Variants in GEMIN4 observed in about 807,000 individuals in gnomAD.
GEMIN4 encodes the protein gem nuclear organelle associated protein 4.
GEMIN4 carries 59 observed loss-of-function variants against 76.8 expected under a neutral mutation model. The observed-to-expected ratio is 0.77, with a 90% CI of 0.62 to 0.95. The LOEUF (loss-of-function observed/expected upper bound fraction) is 0.95. GEMIN4 is among the 40% of genes least tolerant of loss of function. The pLI, the probability that GEMIN4 is intolerant of heterozygous loss-of-function variation, is 0.00. For synonymous variants in GEMIN4, 562 were observed against 559.7 expected, an observed-to-expected ratio of 1.00 and a Z score of -0.06; for missense variants, 1,311 against 1,318.9, an observed-to-expected ratio of 0.99 and a Z score of 0.09.
In GEMIN4 at chr17:745,491, T is replaced by C; in HGVS notation, c.2552A>G (p.Lys851Arg). Residue 851 changes from lysine to arginine, a missense_variant, in exon 2 of 2, where the codon AAA becomes AGA. Coordinates refer to ENST00000319004, the MANE Select transcript of GEMIN4 (RefSeq NM_015721.3). This position sits in a 1 kb window ranked among gnomAD's most constrained non-coding sequence, Gnocchi z 4.6. Reference sequence around the variant, plus strand: ...TTGCACCAGGGCCACCAGAAAGCCTTTGCTGAACAGTCTGACCTCCTCAGG... The same window carrying C: ...TTGCACCAGGGCCACCAGAAAGCCTCTGCTGAACAGTCTGACCTCCTCAGG... ...GNPEEVRLFS[K>R]GFLVALVQVM... 1 of 1,611,788 alleles carries C rather than the reference T, an allele frequency of 6.2e-7. No homozygotes were observed. Among genetic ancestry groups the C allele is most frequent in the Non-Finnish European group, 8.5e-7 (1 of 1,179,754 alleles).
rs1904767163 is a variant in GEMIN4, at chr17:752,225, G to A, written c.-83C>T. 4.9e-6 allele frequency: 6 copies of A among 1,229,184 alleles called. No individual in the cohort carries two copies. Among genetic ancestry groups the A allele is most frequent in the Non-Finnish European group, 5.1e-6 (5 of 985,714 alleles). 76.1% of individuals were successfully genotyped at this position (1,229,184 alleles called of 1,614,324 possible). A position where few individuals can be genotyped will look rare whatever the true frequency, so the allele number is the denominator to read the frequency against. On this transcript the variant is annotated 5_prime_UTR_variant, in exon 1 of 2. Coordinates refer to ENST00000319004, the MANE Select transcript of GEMIN4 (RefSeq NM_015721.3). ...CGCGGCGCGGGACGCACGGCACGAT[G>A]GGAGACGCAGGAGCCACGGCGGCCG...
At position 752,221 on chromosome 17, in the gene GEMIN4, C is replaced by T; in HGVS notation, c.-79G>A. ...CGAACGCGGCGCGGGACGCACGGCACGATGGGAGACGCAGGAGCCACGGCG... is the reference window on the plus strand; with the variant it reads ...CGAACGCGGCGCGGGACGCACGGCATGATGGGAGACGCAGGAGCCACGGCG... On this transcript the variant is annotated 5_prime_UTR_variant, in exon 1 of 2. The change creates a new upstream start codon in the 5' untranslated region. Transcript: ENST00000319004. The T allele has an allele frequency of 8.1e-7, 1 of 1,229,502 alleles. No individual in the cohort carries two copies. The highest frequency in any genetic ancestry group is 1.0e-6 in the Non-Finnish European group (1 of 985,828). The allele number at this position is 1,229,502 out of a possible 1,614,324, so 76.2% of individuals were successfully genotyped here.
chr17:746,867 C>T lies in GEMIN4; in HGVS notation c.1176G>A (p.Thr392=), dbSNP rs190911090. Residue 392 remains threonine (T), a synonymous_variant, in exon 2 of 2, where the codon ACG becomes ACA. Transcript: ENST00000319004. This position sits in a 1 kb window ranked among gnomAD's most constrained non-coding sequence, Gnocchi z 4.3. ...CVRDFLRKTS[T]VLKNRALEDI... is the part of the protein sequence containing the mutation. ...CCTCCAAGGCCCTGTTCTTCAGCAC[C>T]GTGCTCGTTTTCCTCAGGAAGTCCC... The T allele has an allele frequency of 3.5e-5, 56 of 1,613,584 alleles. No homozygotes were observed. The South Asian group carries it at 4.1e-4, about 12-fold the overall frequency.
rs762735724 is a variant in GEMIN4, at chr17:744,629, AGAG to A, written c.*234_*236del. 7 of 452,832 alleles carry A rather than the reference AGAG, an allele frequency of 1.5e-5. No individual in the cohort carries two copies. Among genetic ancestry groups the A allele is most frequent in the South Asian group, 7.8e-5 (2 of 25,614 alleles). The allele number at this position is 452,832 out of a possible 1,614,324, so 28.1% of individuals were successfully genotyped here. A position where few individuals can be genotyped will look rare whatever the true frequency, so the allele number is the denominator to read the frequency against. On this transcript the variant is annotated 3_prime_UTR_variant, in exon 2 of 2. Coordinates refer to ENST00000319004, the MANE Select transcript of GEMIN4 (RefSeq NM_015721.3). ...TAGAAGAGACAAAGTGAGATGCGAA[AGAG>A]GAGAATTTTTATGATAGTTTGTACG...
chr17:752,376 T>C, upstream of GEMIN4: 1 of 975,264 alleles, frequency 1.0e-6, no homozygotes, highest in Non-Finnish European at 1.3e-6. Flanking sequence ...CCACCAGCCC[T>C]CAGGTACCCG....
Position 745,506 on chromosome 17 carries a change from A to G in GEMIN4, c.2537T>C (p.Val846Ala). The G allele has an allele frequency of 6.2e-7, 1 of 1,611,548 alleles. No individual in the cohort carries two copies. Among genetic ancestry groups the G allele is most frequent in the South Asian group, 1.1e-5 (1 of 91,046 alleles). Reference sequence around the variant, plus strand: ...CAGAAAGCCTTTGCTGAACAGTCTGACCTCCTCAGGATTGCCCACGTCCAC... The same window carrying G: ...CAGAAAGCCTTTGCTGAACAGTCTGGCCTCCTCAGGATTGCCCACGTCCAC... ...LVVDVGNPEEVRLFSKGFLVA... is the reference protein window; with the variant it reads ...LVVDVGNPEEARLFSKGFLVA... Residue 846 changes from valine (V) to alanine (A), a missense_variant, in exon 2 of 2, where the codon GTC (valine) becomes GCC (alanine). By Grantham distance (64) the Val-to-Ala change is moderately conservative. Transcript: ENST00000319004. The surrounding 1 kb of genome is among the most constrained non-coding windows in gnomAD (Gnocchi z 4.6).
chr17:752,475 C>T (rs1383926688), upstream of GEMIN4: 5 of 451,242 alleles, frequency 1.1e-5, no homozygotes, highest in East Asian at 2.1e-4. Flanking sequence ...TCCCCGGCCC[C>T]GCATTCACCC....
chr17:752,669 G>A (rs182500433), upstream of GEMIN4: 155 of 1,005,928 alleles, frequency 1.5e-4, no homozygotes, highest in Middle Eastern at 3.4e-3. Context: ...GCAGCGTTCC[G>A]GATCCTAGAC....
rs1240066357 is a variant in GEMIN4 at position 746,627 on chromosome 17, A to C, written c.1416T>G (p.Pro472=). 4.3e-6 allele frequency: 7 copies of C among 1,613,470 alleles called. No homozygotes were observed. The African/African-American group carries it at 8.0e-5, about 18-fold the overall frequency. Residue 472 remains proline (P), a synonymous_variant, in exon 2 of 2, where the codon CCT becomes CCG. Coordinates refer to ENST00000319004, the MANE Select transcript of GEMIN4 (RefSeq NM_015721.3). The surrounding 1 kb of genome is among the most constrained non-coding windows in gnomAD (Gnocchi z 4.3). ...IDVSTADRAI[P]ESQIRQVIHL... ...GGATCACCTGCCGGATCTGAGACTC[A>C]GGGATGGCTCTGTCAGCTGTGCTGA...
chr17:746,096 G>T lies in GEMIN4; in HGVS notation c.1947C>A (p.Asp649Glu). ...GCAGGACAAATTCCTTCAGCACCTC[G>T]TCTGGCTCAAGAAGAGCAGCCACTG... is the stretch of plus-strand genomic sequence containing the variant. ...GIPVAALLEPDEVLKEFVLPF... is the reference protein window; with the variant it reads ...GIPVAALLEPEEVLKEFVLPF... The change falls in exon 2 of 2, where the codon GAC (aspartate) becomes GAA (glutamate). Residue 649 changes from aspartate to glutamate, a missense_variant. Coordinates refer to ENST00000319004, the MANE Select transcript of GEMIN4 (RefSeq NM_015721.3). The surrounding 1 kb of genome is among the most constrained non-coding windows in gnomAD (Gnocchi z 4.3). 6.2e-7 allele frequency: 1 copy of T among 1,613,934 alleles called. No homozygotes were observed. The highest frequency in any genetic ancestry group is 8.5e-7 in the Non-Finnish European group (1 of 1,179,896).
chr17:747,834 AG>A lies in GEMIN4; in HGVS notation c.208del (p.Leu70Ter). 6.2e-7 allele frequency: 1 copy of A among 1,613,676 alleles called. No homozygotes were observed. The highest frequency in any genetic ancestry group is 8.5e-7 in the Non-Finnish European group (1 of 1,179,826). ...CAGAACCTTGGCCCAGATGATGATC[AG>A]GGCTTTCTTCTTCCAGGCAAAGGGC... ...SQPFAWKKKA[L>X]IIIWAKVLQP... On this transcript the variant is annotated frameshift_variant, in exon 2 of 2. Transcript: ENST00000319004. LOFTEE classifies it high-confidence loss of function.
At chr17:749,783 C>A (rs1904559595) in intron 1 of GEMIN4, 2 of 990,770 alleles carry the variant, frequency 2.0e-6, no homozygotes, top group African/African-American at 3.5e-5. Flanking sequence ...AGGAATCAGA[C>A]AAGCCCTGCC....
Position 747,615 on chromosome 17 carries a change from C to T in GEMIN4, c.428G>A (p.Arg143His), listed in dbSNP as rs192907253. Reference sequence around the variant, plus strand: ...GTCAACGGTCACATGTTCCAGAAAGCGCTCTAGTTCTGCATGGCAGATGGT... The same window carrying T: ...GTCAACGGTCACATGTTCCAGAAAGTGCTCTAGTTCTGCATGGCAGATGGT... ...PTTICHAELE[R>H]FLEHVTVDTS... The change falls in exon 2 of 2, where the codon CGC (arginine) becomes CAC (histidine). Residue 143 changes from arginine to histidine, a missense_variant. Around this residue, in one of 2 missense-constraint regions of GEMIN4, gnomAD observed 1,208 missense variants for 1,166.9 expected, o/e 1.04. Coordinates refer to ENST00000319004, the MANE Select transcript of GEMIN4 (RefSeq NM_015721.3). 91 of 1,613,954 alleles carry T rather than the reference C, an allele frequency of 5.6e-5. 1 individual carries two copies. Among genetic ancestry groups the T allele is most frequent in the Non-Finnish European group, 2.7e-5 (32 of 1,179,892 alleles).
At chr17:752,282 C>G (rs534210492), upstream of GEMIN4, 1 of 1,225,164 alleles carries the variant, frequency 8.2e-7, no homozygotes, top group Admixed American at 4.3e-5. Context: ...TCCGCCCGGC[C>G]CCGCCCACAG....
upstream of GEMIN4, chr17:752,410 G>T (rs1904786785): frequency 2.9e-6 from 2 of 700,940 alleles, no homozygotes; most frequent in Non-Finnish European, 2.0e-6. Flanking sequence ...AGACCCCTCC[G>T]CACCGTCCCC....
upstream of GEMIN4, chr17:752,511 C>A: frequency 2.3e-6 from 1 of 441,554 alleles, no homozygotes; most frequent in Non-Finnish European, 3.4e-6. Flanking sequence ...GGGCGTGCCC[C>A]GCACACAGTT....
chr17:752,557 A>AC, upstream of GEMIN4: 2 of 580,432 alleles, frequency 3.4e-6, no homozygotes, highest in Non-Finnish European at 4.5e-6. Context: ...GACGCCCACC[A>AC]CCCAGCGCGG....
rs199571890 is a variant in GEMIN4, at chr17:745,999, C to T, written c.2044G>A (p.Ala682Thr). ...RIFIQTLEAN[A>T]CREEYWLQTC... ...TGGAGCCAGTATTCCTCTCGGCACG[C>T]GTTTGCCTCTAGAGTCTGGATGAAG... The change falls in exon 2 of 2, where the codon GCG becomes ACG. Residue 682 changes from alanine (A) to threonine (T), a missense_variant. Transcript: ENST00000319004. The surrounding 1 kb of genome is among the most constrained non-coding windows in gnomAD (Gnocchi z 4.6). 2.9e-5 allele frequency: 46 copies of T among 1,613,554 alleles called. No homozygotes were observed. Among genetic ancestry groups the T allele is most frequent in the African/African-American group, 2.7e-4 (20 of 75,034 alleles).
upstream of GEMIN4, among the ~76,000 whole-genome samples, chr17:752,413 C>T (rs1597566986): frequency 6.6e-6 from 1 of 152,180 alleles, no homozygotes. Context: ...CCCCTCCGCA[C>T]CGTCCCCTGC....
Sources: allele counts gnomAD v4.1 joint callset (sites outside exome capture counted in the v4.1 genomes callset), GRCh38; gene constraint gnomAD v4.1.1; regional missense constraint gnomAD v4.1.1; non-coding constraint Gnocchi (gnomAD v3.1); transcripts MANE v1.5; gene names NCBI Gene and HGNC (gene_info 2026-07-23, HGNC 2026-07-21).